The following PDE4B variants were observed in gnomAD, a reference collection of about 807,000 sequenced individuals.
PDE4B encodes phosphodiesterase 4B.
PDE4B carries 20 observed loss-of-function variants against 82.2 expected under a neutral mutation model. That is an observed-to-expected ratio of 0.24 (90% CI 0.17 to 0.35). The LOEUF (loss-of-function observed/expected upper bound fraction) is 0.35. Among genes scored for constraint, PDE4B ranks in the 10% least tolerant of loss-of-function variants. The probability of loss-of-function intolerance (pLI) is 1.00; values close to 1 mark genes in which losing one functional copy is unlikely to be tolerated. For synonymous variants in PDE4B, 320 were observed against 318.9 expected (o/e 1.00, Z -0.04); for missense variants, 655 against 907.2 (o/e 0.72, Z 3.57).
intron 3 of PDE4B, among the ~76,000 whole-genome samples, chr1:66,060,114 T>C (rs970908033): frequency 6.6e-6 from 1 of 152,238 alleles, no homozygotes; most frequent in African/African-American, 2.4e-5. Flanking sequence ...TTAACAGCTC[T>C]TATTTGTTTC....
At chr1:66,066,867 T>C (rs1191092908) in intron 3 of PDE4B, among the ~76,000 whole-genome samples, 1 of 151,998 alleles carries the variant, frequency 6.6e-6, no homozygotes, top group African/African-American at 2.4e-5. Flanking sequence ...CTTCTTAGAC[T>C]TAGTTCTCAT....
At chr1:66,100,788 T>C (rs1645205645) in intron 3 of PDE4B, among the ~76,000 whole-genome samples, 1 of 152,184 alleles carries the variant, frequency 6.6e-6, no homozygotes, top group South Asian at 2.1e-4. Context: ...GTTTTTATCT[T>C]TGTATTTTAA....
At chr1:66,228,076 C>T (rs564003951) in intron 3 of PDE4B, among the ~76,000 whole-genome samples, 94 of 152,338 alleles carry the variant, frequency 6.2e-4, no homozygotes, top group African/African-American at 2.2e-3. Context: ...TATTCAAATA[C>T]ACTAGGCATG....
intron 3 of PDE4B, among the ~76,000 whole-genome samples, chr1:66,168,301 T>C (rs1345404560): frequency 6.6e-6 from 1 of 152,060 alleles, no homozygotes; most frequent in Non-Finnish European, 1.5e-5. Flanking sequence ...AGGGTACAGA[T>C]GATACATATA....
chr1:66,102,683 A>C (rs1279521346), intron 3 of PDE4B, among the ~76,000 whole-genome samples: 1 of 152,104 alleles, frequency 6.6e-6, no homozygotes, highest in Non-Finnish European at 1.5e-5. Context: ...TGTATTAGAA[A>C]AAAACACAAA....
At chr1:65,793,415 C>A (rs1364948158) in intron 1 of PDE4B, among the ~76,000 whole-genome samples, 167 bp downstream of exon 1, 1 of 152,230 alleles carries the variant, frequency 6.6e-6, no homozygotes, top group African/African-American at 2.4e-5. Context: ...ATTGTCGCCC[C>A]TTGTAGGAAA....
intron 3 of PDE4B, among the ~76,000 whole-genome samples, chr1:66,225,032 C>T (rs1005203818): frequency 7.2e-5 from 11 of 152,190 alleles, no homozygotes; most frequent in Admixed American, 7.2e-4. Context: ...TCCAGCATTT[C>T]CACTGTACTC....
At chr1:66,136,438 C>G (rs1039280822) in intron 3 of PDE4B, among the ~76,000 whole-genome samples, 1 of 152,170 alleles carries the variant, frequency 6.6e-6, no homozygotes, top group African/African-American at 2.4e-5. Flanking sequence ...CACAGTGGCT[C>G]ATGCCTGTAA....
chr1:66,026,090 G>A (rs535723453), intron 3 of PDE4B, among the ~76,000 whole-genome samples: 1 of 152,042 alleles, frequency 6.6e-6, no homozygotes, highest in Non-Finnish European at 1.5e-5. Flanking sequence ...CAACATTTGG[G>A]CAATATTGCT....
chr1:66,218,299 G>A (rs1650669292), intron 3 of PDE4B, among the ~76,000 whole-genome samples: 1 of 152,106 alleles, frequency 6.6e-6, no homozygotes, highest in African/African-American at 2.4e-5. Flanking sequence ...TGAAGTCCAA[G>A]GACAGTGTCA....
At chr1:66,126,946 A>G (rs1645836189) in intron 3 of PDE4B, among the ~76,000 whole-genome samples, 1 of 152,222 alleles carries the variant, frequency 6.6e-6, no homozygotes, top group Non-Finnish European at 1.5e-5. Context: ...ACATTCTGCA[A>G]AATGACTAAT....
chr1:66,313,951 C>T (rs986580818), intron 7 of PDE4B, among the ~76,000 whole-genome samples: 2 of 152,042 alleles, frequency 1.3e-5, no homozygotes, highest in African/African-American at 4.8e-5. Flanking sequence ...TCACATGTCT[C>T]CCCCTCCTCC....
chr1:66,185,667 GC>G (rs1557617165), intron 3 of PDE4B, among the ~76,000 whole-genome samples: 1 of 152,102 alleles, frequency 6.6e-6, no homozygotes, highest in Middle Eastern at 3.4e-3. Flanking sequence ...TATCTTCTTC[GC>G]CCACTGGTTG....
chr1:65,947,816 C>T (rs1648788557), intron 3 of PDE4B, among the ~76,000 whole-genome samples: 1 of 151,826 alleles, frequency 6.6e-6, no homozygotes, highest in Admixed American at 6.6e-5. Context: ...CCTGCTGACA[C>T]CTTATTTTTA....
chr1:66,105,227 T>C (rs1156857783), intron 3 of PDE4B, among the ~76,000 whole-genome samples: 1 of 145,726 alleles, frequency 6.9e-6, no homozygotes, highest in Admixed American at 6.9e-5. Flanking sequence ...TTTTGTCATG[T>C]TTGTCAAAGA....
In PDE4B at chr1:66,176,133, C is replaced by T. The variant is rs1646927238; in HGVS notation, c.282-71327C>T. 2.0e-5 allele frequency among the ~76,000 whole-genome samples: 3 copies of T among 152,350 alleles called. No homozygotes were observed. The South Asian group carries it at 6.2e-4, about 32-fold the overall frequency. ...TAGCTTGCTCCTAAGACCTTCCTCC[C>T]TGTCAGAAATGCAGCTTCCTCTTTG... On this transcript the variant is annotated intron_variant, in intron 3 of 16. Transcript: ENST00000341517.
chr1:66,048,977 A>C (rs1007893101), intron 3 of PDE4B: 1 of 151,988 alleles, frequency 6.6e-6, no homozygotes, highest in African/African-American at 2.4e-5. Flanking sequence ...TCTTTAGTCA[A>C]TCTATCTACT....
At chr1:66,355,753 C>T in intron 9 of PDE4B, 133 bp downstream of exon 9, 1 of 521,566 alleles carries the variant, frequency 1.9e-6, no homozygotes, top group Non-Finnish European at 3.5e-6. Flanking sequence ...AAAATAATAA[C>T]TAAGGCCAGT....
chr1:65,955,114 T>A (rs1649189647), intron 3 of PDE4B, among the ~76,000 whole-genome samples: 2 of 152,278 alleles, frequency 1.3e-5, no homozygotes, highest in Non-Finnish European at 2.9e-5. Flanking sequence ...ACAAGAATCT[T>A]CTGCTTTAGT....
Sources: allele counts gnomAD v4.1 joint callset (sites outside exome capture counted in the v4.1 genomes callset), GRCh38; gene constraint gnomAD v4.1.1; transcripts MANE v1.5; gene names NCBI Gene and HGNC (gene_info 2026-07-23, HGNC 2026-07-21).